The following CDH13 variants were observed in gnomAD, a reference collection of about 807,000 sequenced individuals.
CDH13 encodes the protein cadherin 13.
CDH13 carries 24 observed loss-of-function variants against 63.8 expected under a neutral mutation model. The observed-to-expected ratio is 0.38, with a 90% CI of 0.27 to 0.53. The LOEUF is 0.53. Among genes scored for constraint, CDH13 ranks in the 20% least tolerant of loss-of-function variants. CDH13 has a pLI of 0.85. For synonymous variants in CDH13, 503 were observed against 355.3 expected, an observed-to-expected ratio of 1.42 and a Z score of -4.67; for missense variants, 1,049 against 903.1, an observed-to-expected ratio of 1.16 and a Z score of -2.07.
intron 8 of CDH13, among the ~76,000 whole-genome samples, chr16:83,648,852 C>G (rs2042375): frequency 0.86 from 130,499 of 151,882 alleles, 56,102 homozygotes; most frequent in Admixed American, 0.89. Flanking sequence ...TTCTTCCTTT[C>G]TTTGTCTCTT....
At chr16:83,761,938 A>G (rs1037330527) in intron 11 of CDH13, among the ~76,000 whole-genome samples, 4 of 152,058 alleles carry the variant, frequency 2.6e-5, no homozygotes, top group African/African-American at 9.7e-5. Context: ...GTGGTTGTGC[A>G]TGCCTGTAGT....
At chr16:83,220,016 G>A (rs1010748820) in intron 5 of CDH13, among the ~76,000 whole-genome samples, 3 of 152,158 alleles carry the variant, frequency 2.0e-5, no homozygotes, top group African/African-American at 2.4e-5. Flanking sequence ...GTATTTAGTG[G>A]GAATGCAGTT....
At chr16:82,670,260 C>G (rs1398554922) in intron 1 of CDH13, among the ~76,000 whole-genome samples, 1 of 152,202 alleles carries the variant, frequency 6.6e-6, no homozygotes, top group South Asian at 2.1e-4. Context: ...TGAACATCAT[C>G]TAGAGGGATC....
intron 1 of CDH13, among the ~76,000 whole-genome samples, chr16:82,669,672 T>A (rs1913006310): frequency 6.6e-6 from 1 of 152,224 alleles, no homozygotes; most frequent in Non-Finnish European, 1.5e-5. Context: ...TCTTCTCTTG[T>A]GATTAGTTGG....
intron 3 of CDH13, among the ~76,000 whole-genome samples, chr16:83,056,297 G>A (rs1005276147): frequency 1.3e-5 from 2 of 152,074 alleles, no homozygotes; most frequent in Non-Finnish European, 2.9e-5. Flanking sequence ...CCTACTTCCA[G>A]ATCTATAACT....
chr16:83,121,956 A>C (rs1366415621), intron 3 of CDH13, among the ~76,000 whole-genome samples: 1 of 120,776 alleles, frequency 8.3e-6, no homozygotes, highest in African/African-American at 3.0e-5. Flanking sequence ...TTTTCCTTTA[A>C]AACTGTCACA....
chr16:83,259,491 T>G (rs1906700701), intron 5 of CDH13, among the ~76,000 whole-genome samples: 1 of 152,090 alleles, frequency 6.6e-6, no homozygotes, highest in African/African-American at 2.4e-5. Context: ...CGACGTTCGT[T>G]TTTAAGTGTT....
intron 4 of CDH13, among the ~76,000 whole-genome samples, chr16:83,206,712 A>G (rs2039193965): frequency 1.3e-5 from 2 of 152,218 alleles, no homozygotes; most frequent in South Asian, 2.1e-4. Context: ...GAGTTACATA[A>G]CATTTCAACA....
At chr16:83,330,789 T>C (rs529840268) in intron 5 of CDH13, among the ~76,000 whole-genome samples, 47 of 152,294 alleles carry the variant, frequency 3.1e-4, no homozygotes, top group African/African-American at 1.0e-3. Flanking sequence ...AACAGGGGAC[T>C]TGGTCACATG....
intron 2 of CDH13, among the ~76,000 whole-genome samples, chr16:82,954,926 G>A (rs942877477): frequency 2.6e-5 from 4 of 152,276 alleles, no homozygotes; most frequent in East Asian, 3.9e-4. Context: ...TTAGGATAGT[G>A]TTTTAAATGT....
intron 6 of CDH13, among the ~76,000 whole-genome samples, chr16:83,484,181 TG>T (rs940369767): frequency 1.3e-5 from 2 of 152,014 alleles, no homozygotes; most frequent in Non-Finnish European, 2.9e-5. Flanking sequence ...ATTCCAGTGG[TG>T]GGGGAAAAAA....
intron 10 of CDH13, among the ~76,000 whole-genome samples, chr16:83,705,288 G>T (rs16961372): frequency 6.6e-6 from 1 of 151,906 alleles, no homozygotes; most frequent in South Asian, 2.1e-4. Context: ...GGAAAACAAA[G>T]TAGACAACCA....
intron 4 of CDH13, among the ~76,000 whole-genome samples, chr16:83,173,539 A>G (rs1429814033): frequency 6.6e-6 from 1 of 152,116 alleles, no homozygotes; most frequent in African/African-American, 2.4e-5. Flanking sequence ...GAAATTTCAG[A>G]TAAACAATGA....
chr16:82,771,441 T>C (rs544307101), intron 1 of CDH13, among the ~76,000 whole-genome samples: 95 of 152,350 alleles, frequency 6.2e-4, no homozygotes, highest in South Asian at 1.2e-3. Context: ...TAGAGGCTGC[T>C]TGATAGCATT....
At chr16:83,075,167 T>C (rs1056798548) in intron 3 of CDH13, among the ~76,000 whole-genome samples, 9 of 152,190 alleles carry the variant, frequency 5.9e-5, no homozygotes, top group African/African-American at 1.9e-4. Flanking sequence ...TGGAAGTCTT[T>C]CCATGAATGC....
At chr16:83,097,247 A>T (rs1346689198) in intron 3 of CDH13, among the ~76,000 whole-genome samples, 1 of 152,194 alleles carries the variant, frequency 6.6e-6, no homozygotes, top group Non-Finnish European at 1.5e-5. Flanking sequence ...AGCTCATAGG[A>T]TAAGAATTCT....
intron 6 of CDH13, among the ~76,000 whole-genome samples, chr16:83,362,800 A>T (rs1029978219): frequency 6.6e-6 from 1 of 152,190 alleles, no homozygotes; most frequent in African/African-American, 2.4e-5. Context: ...GGTCTCTAAC[A>T]TAAGCATTCA....
At chr16:82,693,876 A>G (rs1052023796) in intron 1 of CDH13, among the ~76,000 whole-genome samples, 6 of 152,254 alleles carry the variant, frequency 3.9e-5, no homozygotes, top group African/African-American at 1.4e-4. Flanking sequence ...ATTCCTAGAA[A>G]ATCTTATAAC....
chr16:82,670,427 T>C (rs1913103267), intron 1 of CDH13, among the ~76,000 whole-genome samples: 5 of 152,182 alleles, frequency 3.3e-5, no homozygotes, highest in Admixed American at 1.3e-4. Context: ...AAAATATCAC[T>C]TGAAACCAAA....
Sources: allele counts gnomAD v4.1 joint callset (sites outside exome capture counted in the v4.1 genomes callset), GRCh38; gene constraint gnomAD v4.1.1; transcripts MANE v1.5; gene names NCBI Gene and HGNC (gene_info 2026-07-23, HGNC 2026-07-21).